FBXO31: variants seen among roughly 807,000 people sequenced by gnomAD.
The protein encoded by FBXO31 is F-box protein 31.
A neutral mutation model predicts 54.4 loss-of-function variants in FBXO31; 24 were observed. The ratio of observed to expected loss-of-function variants is 0.44; its 90% CI spans 0.32 to 0.62. FBXO31 has a LOEUF of 0.62. FBXO31 is among the 20% of genes least tolerant of loss of function. The pLI is 0.05. For missense variants in FBXO31, 665 were observed against 787.1 expected, an observed-to-expected ratio of 0.84 and a Z score of 1.86; for synonymous variants, 388 against 335.6, an observed-to-expected ratio of 1.16 and a Z score of -1.71.
chr16:87,379,292 CCTT>C (rs1405666978), intron 1 of FBXO31, among the ~76,000 whole-genome samples: 4 of 152,088 alleles, frequency 2.6e-5, no homozygotes, highest in Non-Finnish European at 5.9e-5. Flanking sequence ...AGGACGCAAA[CCTT>C]CTGAAAGGTG....
intron 1 of FBXO31, among the ~76,000 whole-genome samples, chr16:87,382,451 G>C (rs1022305369): frequency 1.3e-5 from 2 of 152,134 alleles, no homozygotes; most frequent in African/African-American, 4.8e-5. Context: ...TCAAAGAGCT[G>C]TCAACCTTTA....
upstream of FBXO31, among the ~76,000 whole-genome samples, chr16:87,390,225 G>C (rs372436457): frequency 4.6e-5 from 7 of 152,220 alleles, no homozygotes; most frequent in South Asian, 1.5e-3. Flanking sequence ...AGGTTGCAGT[G>C]AGCTGAGATC....
chr16:87,389,310 A>T (rs894308080), intron 1 of FBXO31, among the ~76,000 whole-genome samples: 1 of 152,226 alleles, frequency 6.6e-6, no homozygotes, highest in Non-Finnish European at 1.5e-5. Context: ...AGTTAGGCGT[A>T]GAAGTGTCAG....
chr16:87,365,105 A>T (rs1906312150), intron 1 of FBXO31, among the ~76,000 whole-genome samples: 1 of 142,718 alleles, frequency 7.0e-6, no homozygotes, highest in Admixed American at 7.3e-5. Context: ...CAGTGATGAC[A>T]GAAAGAGAAA....
chr16:87,359,738 G>A (rs140320283), intron 2 of FBXO31, among the ~76,000 whole-genome samples: 212 of 152,278 alleles, frequency 1.4e-3, no homozygotes, highest in African/African-American at 4.5e-3. Flanking sequence ...AGAAACACCC[G>A]CGGGAAGACA....
At chr16:87,375,293 C>A (rs1385302963) in intron 1 of FBXO31, among the ~76,000 whole-genome samples, 1 of 151,970 alleles carries the variant, frequency 6.6e-6, no homozygotes, top group South Asian at 2.1e-4. Context: ...GGTGACAGAG[C>A]GAGACGCCGT....
intron 2 of FBXO31, among the ~76,000 whole-genome samples, chr16:87,352,204 A>G (rs1171550220): frequency 6.6e-6 from 1 of 152,238 alleles, no homozygotes; most frequent in Non-Finnish European, 1.5e-5. Context: ...TGTCAGTTAT[A>G]AAGAAATAAA....
intron 2 of FBXO31, among the ~76,000 whole-genome samples, chr16:87,348,414 C>G (rs2150677851): frequency 6.6e-6 from 1 of 152,306 alleles, no homozygotes; most frequent in East Asian, 1.9e-4. Context: ...CAAGAGAAAG[C>G]AGTGAGCGTG....
At chr16:87,376,157 G>C (rs949995992) in intron 1 of FBXO31, among the ~76,000 whole-genome samples, 1 of 152,128 alleles carries the variant, frequency 6.6e-6, no homozygotes, top group African/African-American at 2.4e-5. Context: ...ACATCCTAAA[G>C]TCAGTCATGG....
chr16:87,391,179 C>T (rs1205949999), upstream of FBXO31, among the ~76,000 whole-genome samples: 1 of 152,084 alleles, frequency 6.6e-6, no homozygotes, highest in Admixed American at 6.5e-5. Flanking sequence ...AGCGAGATCC[C>T]GGCTCTACTC....
chr16:87,388,811 ATTATTTGG>A (rs1311193333), intron 1 of FBXO31: 1 of 152,198 alleles, frequency 6.6e-6, no homozygotes, highest in Admixed American at 6.5e-5. Flanking sequence ...AGAATGAATG[ATTATTTGG>A]TAGTTTAAAG....
rs777698523 is a variant in FBXO31, at chr16:87,331,468, G to A, written c.1440C>T (p.Ser480=). Residue 480 remains serine, a synonymous_variant, in exon 9 of 9, where the codon AGC becomes AGT. Transcript: ENST00000311635. Reference sequence around the variant, plus strand: ...TGAAGACCCCGGGGGTGCGTTCAGGGCTGGTGAAGCCGTGGCCCGCGATGA... The same window carrying A: ...TGAAGACCCCGGGGGTGCGTTCAGGACTGGTGAAGCCGTGGCCCGCGATGA... ...TGLIAGHGFT[S]PERTPGVFIL... is the part of the protein sequence containing the mutation. The A allele has an allele frequency of 3.1e-6, 5 of 1,612,362 alleles. No homozygotes were observed. The highest frequency in any genetic ancestry group is 4.2e-6 in the Non-Finnish European group (5 of 1,178,980).
At chr16:87,350,824 C>T (rs1035913685) in intron 2 of FBXO31, among the ~76,000 whole-genome samples, 2 of 152,204 alleles carry the variant, frequency 1.3e-5, no homozygotes, top group Non-Finnish European at 2.9e-5. Flanking sequence ...CTGCCTCAGA[C>T]GCCTGGCAAT....
In FBXO31 at chr16:87,383,392, C is replaced by A; in HGVS notation, c.340+13G>T. On this transcript the variant is annotated intron_variant, in intron 1 of 8. Transcript: ENST00000311635. This position sits in a 1 kb window ranked among gnomAD's most constrained non-coding sequence, Gnocchi z 4.9. The stretch of plus-strand genomic sequence containing the variant: ...CCCCGCCCCTCCCGGCCCCGCCACC[C>A]CCGCGCGCTCACCCTCACGGCAACG... 1 of 1,531,012 alleles carries A rather than the reference C, an allele frequency of 6.5e-7. No individual in the cohort carries two copies. The highest frequency in any genetic ancestry group is 8.8e-7 in the Non-Finnish European group (1 of 1,139,600). The allele number at this position is 1,531,012 out of a possible 1,614,324, so 94.8% of individuals were successfully genotyped here.
chr16:87,340,265 G>A (rs75007427), intron 5 of FBXO31, among the ~76,000 whole-genome samples: 23,202 of 152,210 alleles, frequency 0.15, 2,052 homozygotes, highest in South Asian at 0.34. Context: ...CCAGTGTGGG[G>A]GACAGGGCGA....
intron 1 of FBXO31, among the ~76,000 whole-genome samples, chr16:87,368,173 C>A (rs1230346180): frequency 6.6e-6 from 1 of 152,166 alleles, no homozygotes; most frequent in African/African-American, 2.4e-5. Flanking sequence ...AATGATGGCA[C>A]AGTGCTAATG....
chr16:87,343,436 G>A (rs147958878), intron 4 of FBXO31, among the ~76,000 whole-genome samples, 162 bp downstream of exon 4: 114 of 152,382 alleles, frequency 7.5e-4, no homozygotes, highest in African/African-American at 2.6e-3. Context: ...ACTGCGCCAC[G>A]GAGGCGTAAA....
intron 7 of FBXO31, 74 bp from the exon 8 acceptor site, chr16:87,334,360 G>C: frequency 7.2e-7 from 1 of 1,385,666 alleles, no homozygotes; most frequent in Non-Finnish European, 9.8e-7. Context: ...CTCCAGCCCA[G>C]ATCCACCTCT....
intron 1 of FBXO31, among the ~76,000 whole-genome samples, chr16:87,373,331 A>T (rs1906681654): frequency 6.6e-6 from 1 of 152,018 alleles, no homozygotes; most frequent in South Asian, 2.1e-4. Flanking sequence ...GGGTGCCTGT[A>T]GTCCCAGCTA....
Sources: gnomAD v4.1 joint callset for allele counts (sites outside exome capture counted in the v4.1 genomes callset) on GRCh38, gnomAD v4.1.1 for gene constraint, Gnocchi (gnomAD v3.1) non-coding constraint, MANE v1.5 for transcripts, NCBI Gene and HGNC (gene_info 2026-07-23, HGNC 2026-07-21) for gene names.